RASGRP2: variants seen among roughly 807,000 people sequenced by gnomAD.
RASGRP2 encodes the protein RAS guanyl releasing protein 2.
In RASGRP2, 44 loss-of-function variants were observed where a neutral mutation model predicts 71.0. The observed-to-expected ratio is 0.62, with a 90% CI of 0.49 to 0.80. The LOEUF is 0.80. Ranked by LOEUF, RASGRP2 falls within the 30% of genes least tolerant of loss-of-function variation. The probability of loss-of-function intolerance (pLI) is 0.00; values close to 1 mark genes in which losing one functional copy is unlikely to be tolerated. For missense variants in RASGRP2, 663 were observed against 813.4 expected (o/e 0.82, Z 2.25); for synonymous variants, 350 against 330.7 (o/e 1.06, Z -0.63).
intron 12 of RASGRP2, among the ~76,000 whole-genome samples, chr11:64,732,785 A>AAAAGAGAGGGTGATT (rs2057803774): frequency 6.6e-6 from 1 of 151,140 alleles, no homozygotes; most frequent in African/African-American, 2.4e-5. Flanking sequence ...TGTCTCAAAA[A>AAAAGAGAGGGTGATT]AAAAAAAATA....
chr11:64,740,915 G>A (rs1280195206), intron 5 of RASGRP2, 33 bp downstream of exon 5: 1 of 1,611,460 alleles, frequency 6.2e-7, no homozygotes, highest in Non-Finnish European at 8.5e-7. Context: ...GATACTGAGT[G>A]CCCCCCCAGC....
At position 64,742,513 on chromosome 11, in the gene RASGRP2, TC is replaced by T; in HGVS notation, c.73+280del. The T allele has an allele frequency of 1.7e-6, 1 of 581,648 alleles. No individual in the cohort carries two copies. Among genetic ancestry groups the T allele is most frequent in the East Asian group, 2.9e-5 (1 of 34,754 alleles). 36.0% of individuals were successfully genotyped at this position (581,648 alleles called of 1,614,324 possible). ...CCGGAGATAGCGAGTTCCTCCGGAT[TC>T]CCCGGGAGACAGATAATGCCCCTCA... On this transcript the variant is annotated intron_variant, in intron 2 of 16. Transcript: ENST00000394432. The surrounding 1 kb of genome is among the most constrained non-coding windows in gnomAD (Gnocchi z 4.7).
intron 5 of RASGRP2, 160 bp from the exon 6 acceptor site, chr11:64,740,323 C>T (rs1012530721): frequency 7.1e-6 from 6 of 843,560 alleles, no homozygotes. Flanking sequence ...TCCTCATCTC[C>T]CCCGACCCCG....
chr11:64,735,241 A>G lies in RASGRP2; in HGVS notation c.1297-14T>C, dbSNP rs770609765. 4 of 1,596,274 alleles carry G rather than the reference A, an allele frequency of 2.5e-6. No homozygotes were observed. The highest frequency in any genetic ancestry group is 3.4e-6 in the Non-Finnish European group (4 of 1,163,930). On this transcript the variant is annotated splice_polypyrimidine_tract_variant and intron_variant, in intron 11 of 16. Transcript: ENST00000394432. The surrounding 1 kb of genome is among the most constrained non-coding windows in gnomAD (Gnocchi z 4.2). The stretch of plus-strand genomic sequence containing the variant: ...CCGGAACACAGACTGGGGCACGCAG[A>G]GGGACACGCAGAGCCAGAAGAGGGG...
chr11:64,727,934 A>G (rs954407372), intron 15 of RASGRP2, among the ~76,000 whole-genome samples: 2 of 151,984 alleles, frequency 1.3e-5, no homozygotes, highest in Non-Finnish European at 2.9e-5. Flanking sequence ...CACATTTTAG[A>G]CCCCAGCACT....
chr11:64,735,374 C>G lies in RASGRP2; in HGVS notation c.1297-147G>C, dbSNP rs71534256. 3,094 of 1,358,120 alleles carry G rather than the reference C, an allele frequency of 2.3e-3. 58 individuals carry two copies. The African/African-American group carries it at 0.036, about 16-fold the overall frequency. The allele number at this position is 1,358,120 out of a possible 1,614,324, so 84.1% of individuals were successfully genotyped here. On this transcript the variant is annotated intron_variant, in intron 11 of 16. Coordinates refer to ENST00000394432, the MANE Select transcript of RASGRP2 (RefSeq NM_001098671.2). This position sits in a 1 kb window ranked among gnomAD's most constrained non-coding sequence, Gnocchi z 4.2. ...CCACCCCCGTTCCATACCTCCACCC[C>G]CACCCTACCCAGGGGCACTTCAGCC... is the stretch of plus-strand genomic sequence containing the variant.
At chr11:64,737,733 C>T (rs2135770613) in intron 8 of RASGRP2, among the ~76,000 whole-genome samples, 1 of 149,974 alleles carries the variant, frequency 6.7e-6, no homozygotes, top group South Asian at 2.1e-4. Context: ...AGGAAAAACC[C>T]CAACATTCAA....
At position 64,727,070 on chromosome 11, in the gene RASGRP2, G is replaced by C; in HGVS notation, c.*68C>G. ...CAGCCTCCTGCCCCGACACCCCCAGGCTCCCTGCTCTGGTTGAAGTATTTT... is the reference window on the plus strand; with the variant it reads ...CAGCCTCCTGCCCCGACACCCCCAGCCTCCCTGCTCTGGTTGAAGTATTTT... On this transcript the variant is annotated 3_prime_UTR_variant, in exon 17 of 17. Coordinates refer to ENST00000394432, the MANE Select transcript of RASGRP2 (RefSeq NM_001098671.2). 2.1e-6 allele frequency: 1 copy of C among 468,256 alleles called. No homozygotes were observed. The highest frequency in any genetic ancestry group is 4.0e-6 in the Non-Finnish European group (1 of 249,290). The allele number at this position is 468,256 out of a possible 1,614,324, so 29.0% of individuals were successfully genotyped here. A position where few individuals can be genotyped will look rare whatever the true frequency, so the allele number is the denominator to read the frequency against.
chr11:64,727,222 C>A lies in RASGRP2; in HGVS notation c.*6+74G>T, dbSNP rs1026450622. ...CTTGGAGCCATTTGGATAAAGCACC[C>A]ATTTCCCTGATACTCCCCAGCTCCC... On this transcript the variant is annotated intron_variant, in intron 16 of 16. Coordinates refer to ENST00000394432, the MANE Select transcript of RASGRP2 (RefSeq NM_001098671.2). 9.5e-6 allele frequency: 13 copies of A among 1,363,838 alleles called. 1 individual carries two copies. In the Admixed American group the frequency reaches 1.5e-4, roughly 16 times the overall value. The allele number at this position is 1,363,838 out of a possible 1,614,324, so 84.5% of individuals were successfully genotyped here.
At position 64,743,692 on chromosome 11, in the gene RASGRP2, C is replaced by A; in HGVS notation, c.-72+311G>T. 2.6e-6 allele frequency: 1 copy of A among 382,792 alleles called. No homozygotes were observed. Among genetic ancestry groups the A allele is most frequent in the South Asian group, 1.9e-5 (1 of 53,400 alleles). The allele number at this position is 382,792 out of a possible 1,614,324, so 23.7% of individuals were successfully genotyped here. On this transcript the variant is annotated intron_variant, in intron 1 of 16. Coordinates refer to ENST00000394432, the MANE Select transcript of RASGRP2 (RefSeq NM_001098671.2). This position sits in a 1 kb window ranked among gnomAD's most constrained non-coding sequence, Gnocchi z 4.9. Reference sequence around the variant, plus strand: ...CCCCGGCTCCTGACCCTGGCCCCGGCCCCGCACAGGCGAACTGTGAGCGCG... The same window carrying A: ...CCCCGGCTCCTGACCCTGGCCCCGGACCCGCACAGGCGAACTGTGAGCGCG...
chr11:64,742,213 CG>C lies in RASGRP2; in HGVS notation c.74-102del. 2 of 864,308 alleles carry C rather than the reference CG, an allele frequency of 2.3e-6. No individual in the cohort carries two copies. Among genetic ancestry groups the C allele is most frequent in the East Asian group, 5.3e-5 (2 of 37,760 alleles). 53.5% of individuals were successfully genotyped at this position (864,308 alleles called of 1,614,324 possible). On this transcript the variant is annotated intron_variant, in intron 2 of 16. Transcript: ENST00000394432. The surrounding 1 kb of genome is among the most constrained non-coding windows in gnomAD (Gnocchi z 4.7). The stretch of plus-strand genomic sequence containing the variant: ...GCCAGGTATCGGTCCTTCGGGTGCA[CG>C]CTCGACCCCGCCCACCTCCTGCTTG...
chr11:64,731,359 G>GAAA (rs542490938), intron 12 of RASGRP2, among the ~76,000 whole-genome samples: 2 of 89,968 alleles, frequency 2.2e-5, no homozygotes, highest in African/African-American at 4.1e-5. Flanking sequence ...CCCTGTCTCA[G>GAAA]AAAAAAAAAA....
In RASGRP2 at chr11:64,741,421, C is replaced by G. The variant is rs1449210138; in HGVS notation, c.239+18G>C. On this transcript the variant is annotated intron_variant, in intron 4 of 16. Transcript: ENST00000394432. ...AGGGAGAAAGGGGAGGGGCTAGAGC[C>G]CCAGGGGAAAGACTCACCTGACCAG... The G allele has an allele frequency of 6.5e-7, 1 of 1,533,904 alleles. No homozygotes were observed. The highest frequency in any genetic ancestry group is 1.4e-5 in the African/African-American group (1 of 72,988).
In RASGRP2 at chr11:64,739,780, A is replaced by G. The variant is rs1435851243; in HGVS notation, c.552T>C (p.His184=). ...GGACGGGGTTGTCCACAGTGCAGCCATGAGTCACGAAACTGTGATAGTCCT... is the reference window on the plus strand; with the variant it reads ...GGACGGGGTTGTCCACAGTGCAGCCGTGAGTCACGAAACTGTGATAGTCCT... The part of the protein sequence containing the change: ...LFQDYHSFVT[H]GCTVDNPVLE... The change falls in exon 7 of 17, where the codon CAT becomes CAC. Residue 184 remains histidine, a synonymous_variant. Transcript: ENST00000394432. The surrounding 1 kb of genome is among the most constrained non-coding windows in gnomAD (Gnocchi z 4.2). 3 of 1,613,826 alleles carry G rather than the reference A, an allele frequency of 1.9e-6. No individual in the cohort carries two copies. The Admixed American group carries it at 5.0e-5, about 27-fold the overall frequency.
rs780403372 is a variant in RASGRP2 at position 64,735,120 on chromosome 11, G to A, written c.1404C>T (p.Asp468=). ...TCCCCAGCCCTCCTCACTGGTTCTG[G>A]TCGAGGTCCCCAAAGGCGCTGAGGT... ...FPYLSAFGDL[D]QNQDGCISRE... The change falls in exon 12 of 17, where the codon GAC becomes GAT. Residue 468 remains aspartate (D), a synonymous_variant. Transcript: ENST00000394432. This position sits in a 1 kb window ranked among gnomAD's most constrained non-coding sequence, Gnocchi z 4.2. 5 of 1,613,444 alleles carry A rather than the reference G, an allele frequency of 3.1e-6. No homozygotes were observed. Among genetic ancestry groups the A allele is most frequent in the Non-Finnish European group, 4.2e-6 (5 of 1,179,488 alleles).
rs1480669730 is a variant in RASGRP2 at position 64,742,541 on chromosome 11, G to A, written c.73+253C>T. ...CCGGGAGACAGATAATGCCCCTCAA[G>A]TGTCAGAGTCCGGGACCCGGCCCTC... is the stretch of plus-strand genomic sequence containing the variant. On this transcript the variant is annotated intron_variant, in intron 2 of 16. Transcript: ENST00000394432. The surrounding 1 kb of genome is among the most constrained non-coding windows in gnomAD (Gnocchi z 4.7). 2 of 597,518 alleles carry A rather than the reference G, an allele frequency of 3.3e-6. No homozygotes were observed. The highest frequency in any genetic ancestry group is 1.9e-5 in the African/African-American group (1 of 53,816). The allele number at this position is 597,518 out of a possible 1,614,324, so 37.0% of individuals were successfully genotyped here.
Position 64,735,470 on chromosome 11 carries a change from G to T in RASGRP2, c.1296+72C>A. The T allele has an allele frequency of 2.5e-6, 4 of 1,608,490 alleles. No homozygotes were observed. The highest frequency in any genetic ancestry group is 1.7e-5 in the Admixed American group (1 of 60,020). ...GCTGGGTCTTGAACAGGACACTCGT[G>T]CTGGCTTCCAGGGCAGTGCTCCGGC... is the stretch of plus-strand genomic sequence containing the variant. On this transcript the variant is annotated intron_variant, in intron 11 of 16. Coordinates refer to ENST00000394432, the MANE Select transcript of RASGRP2 (RefSeq NM_001098671.2). The surrounding 1 kb of genome is among the most constrained non-coding windows in gnomAD (Gnocchi z 4.2).
upstream of RASGRP2, chr11:64,744,332 C>T: frequency 1.0e-6 from 1 of 985,356 alleles, no homozygotes; most frequent in Non-Finnish European, 1.2e-6. Context: ...CACATACTCA[C>T]TCCCCCAGGC....
intron 14 of RASGRP2, 101 bp from the exon 15 acceptor site, chr11:64,729,143 G>GGT: frequency 3.3e-6 from 4 of 1,222,916 alleles, no homozygotes; most frequent in Non-Finnish European, 4.6e-6. Context: ...CTTTGTTCCT[G>GGT]AGCAGCTGCC....
Sources: allele counts gnomAD v4.1 joint callset (sites outside exome capture counted in the v4.1 genomes callset), GRCh38; gene constraint gnomAD v4.1.1; non-coding constraint Gnocchi (gnomAD v3.1); transcripts MANE v1.5; gene names NCBI Gene and HGNC (gene_info 2026-07-23, HGNC 2026-07-21).